Variants in MTSS1 observed in about 807,000 individuals in gnomAD.
MTSS1 encodes MTSS I-BAR domain containing 1, also known as protein MTSS 1.
In MTSS1, 18 loss-of-function variants were observed where a neutral mutation model predicts 79.0. The observed-to-expected ratio is 0.23, with a 90% CI of 0.16 to 0.34. The LOEUF (loss-of-function observed/expected upper bound fraction) is 0.34, where lower values mean the gene tolerates loss of function less well. MTSS1 is among the 10% of genes least tolerant of loss of function. MTSS1 has a pLI of 1.00. For missense variants in MTSS1, 815 were observed against 986.2 expected (o/e 0.83, Z 2.33); for synonymous variants, 341 against 368.6 (o/e 0.93, Z 0.86).
chr8:124,642,302 A>G (rs1319729030), intron 3 of MTSS1, among the ~76,000 whole-genome samples: 1 of 152,220 alleles, frequency 6.6e-6, no homozygotes, highest in Non-Finnish European at 1.5e-5. Context: ...TTCTGTTTAC[A>G]AAAGCTCCAC....
intron 3 of MTSS1, among the ~76,000 whole-genome samples, chr8:124,622,558 G>T (rs986759343): frequency 6.6e-6 from 1 of 151,596 alleles, no homozygotes; most frequent in East Asian, 1.9e-4. Flanking sequence ...ACTCTTGGAG[G>T]CCAAGGCAGG....
intron 3 of MTSS1, among the ~76,000 whole-genome samples, chr8:124,632,097 C>G (rs1266244669): frequency 1.4e-5 from 2 of 146,954 alleles, no homozygotes; most frequent in Non-Finnish European, 3.0e-5. Context: ...GGCAACATAG[C>G]GAGACTCCAT....
chr8:124,681,977 A>G (rs1826197294), intron 3 of MTSS1, among the ~76,000 whole-genome samples: 1 of 152,120 alleles, frequency 6.6e-6, no homozygotes, highest in African/African-American at 2.4e-5. Context: ...CTTCTCAAAG[A>G]CTCCACACAC....
intron 3 of MTSS1, among the ~76,000 whole-genome samples, chr8:124,614,847 T>C (rs1009568667): frequency 2.6e-5 from 4 of 152,162 alleles, no homozygotes; most frequent in African/African-American, 9.7e-5. Context: ...AAATCATCCA[T>C]ACCTACCATG....
intron 3 of MTSS1, among the ~76,000 whole-genome samples, chr8:124,634,079 T>C (rs1816528483): frequency 1.3e-5 from 2 of 151,852 alleles, no homozygotes; most frequent in South Asian, 2.1e-4. Context: ...GGATAAAATA[T>C]AGACCAGTCC....
intron 3 of MTSS1, among the ~76,000 whole-genome samples, chr8:124,649,294 A>G (rs2134139016): frequency 6.6e-6 from 1 of 152,340 alleles, no homozygotes; most frequent in African/African-American, 2.4e-5. Flanking sequence ...GGCCTTTCAC[A>G]GTAAAAGTTT....
Position 124,552,916 on chromosome 8 carries a change from A to G in MTSS1, c.*76T>C, listed in dbSNP as rs1822756339. 16 of 1,425,772 alleles carry G rather than the reference A, an allele frequency of 1.1e-5. No individual in the cohort carries two copies. The highest frequency in any genetic ancestry group is 1.4e-5 in the Non-Finnish European group (15 of 1,044,080). 88.3% of individuals were successfully genotyped at this position (1,425,772 alleles called of 1,614,324 possible). A position where few individuals can be genotyped will look rare whatever the true frequency, so the allele number is the denominator to read the frequency against. On this transcript the variant is annotated 3_prime_UTR_variant, in exon 14 of 14. Transcript: ENST00000518547. ...CCTACAAAATCTTTTGTTTTATTAT[A>G]GAGTGGAATGGATCAAGACAAATTA...
chr8:124,608,532 C>A (rs1419358026), intron 3 of MTSS1, among the ~76,000 whole-genome samples: 1 of 152,194 alleles, frequency 6.6e-6, no homozygotes, highest in East Asian at 1.9e-4. Flanking sequence ...TTCAGGTTGC[C>A]GACATCTTTT....
chr8:124,721,903 G>A (rs1832999063), intron 1 of MTSS1, among the ~76,000 whole-genome samples: 1 of 152,120 alleles, frequency 6.6e-6, no homozygotes, highest in Non-Finnish European at 1.5e-5. Context: ...AGCCAAATGA[G>A]GTACACCTGC....
chr8:124,561,659 C>A (rs3763544), intron 10 of MTSS1, among the ~76,000 whole-genome samples: 71,352 of 151,858 alleles, frequency 0.47, 17,662 homozygotes, highest in Non-Finnish European at 0.56. Context: ...GTCAATTAAA[C>A]ACACACACAC....
At chr8:124,704,486 A>C (rs538430432) in intron 1 of MTSS1, among the ~76,000 whole-genome samples, 11 of 152,244 alleles carry the variant, frequency 7.2e-5, no homozygotes, top group Non-Finnish European at 1.0e-4. Context: ...TAAGGTGTAC[A>C]GAACATTTAA....
chr8:124,688,901 T>C (rs1384124670), intron 3 of MTSS1, among the ~76,000 whole-genome samples: 1 of 150,256 alleles, frequency 6.7e-6, no homozygotes, highest in Non-Finnish European at 1.5e-5. Context: ...CCAGTAAAAA[T>C]GAAAATGTTG....
chr8:124,611,932 T>G lies in MTSS1; in HGVS notation c.209-20697A>C, dbSNP rs987267796. Among the ~76,000 whole-genome samples the G allele has an allele frequency of 3.9e-5, 6 of 152,182 alleles. 1 individual carries two copies. The highest frequency in any genetic ancestry group is 1.3e-4 in the Admixed American group (2 of 15,282). ...ACAGGGACCTCCCCAGAACCAAAGC[T>G]TACCCCAGGGACAGCTCTGCTGCCT... On this transcript the variant is annotated intron_variant, in intron 3 of 13. Coordinates refer to ENST00000518547, the MANE Select transcript of MTSS1 (RefSeq NM_014751.6).
intron 3 of MTSS1, among the ~76,000 whole-genome samples, chr8:124,609,488 C>T (rs1159108628): frequency 2.6e-5 from 4 of 152,184 alleles, no homozygotes; most frequent in Admixed American, 2.6e-4. Context: ...TTCAGAGTGA[C>T]TTGGTATAAA....
rs138106644 is a variant in MTSS1 at position 124,675,193 on chromosome 8, T to A, written c.208+24333A>T. The stretch of plus-strand genomic sequence containing the variant: ...TTGAGGAACACTGATCTTTCACTAG[T>A]CTACCCAATGTGTCAGCCTCCCCTG... On this transcript the variant is annotated intron_variant, in intron 3 of 13. Transcript: ENST00000518547. 2.4e-4 allele frequency among the ~76,000 whole-genome samples: 37 copies of A among 152,322 alleles called. No homozygotes were observed. In the East Asian group the frequency reaches 6.6e-3, roughly 27 times the overall value.
chr8:124,592,514 G>A (rs1270301316), intron 3 of MTSS1, among the ~76,000 whole-genome samples: 9 of 152,082 alleles, frequency 5.9e-5, no homozygotes, highest in Non-Finnish European at 1.0e-4. Flanking sequence ...ATTAGTACTC[G>A]TGACATTACT....
intron 1 of MTSS1, among the ~76,000 whole-genome samples, chr8:124,709,918 C>T (rs1198574826): frequency 6.6e-6 from 1 of 152,220 alleles, no homozygotes; most frequent in Admixed American, 6.5e-5. Context: ...TCCCACCTAC[C>T]CTCTGGTTTA....
intron 9 of MTSS1, chr8:124,563,392 G>A (rs779080354): frequency 3.6e-5 from 8 of 219,846 alleles, no homozygotes; most frequent in Non-Finnish European, 7.4e-5. Context: ...TCTGCCTGCA[G>A]GAACCATGAG....
intron 6 of MTSS1, among the ~76,000 whole-genome samples, chr8:124,579,399 G>A (rs1829601241): frequency 6.6e-6 from 1 of 152,206 alleles, no homozygotes; most frequent in Non-Finnish European, 1.5e-5. Flanking sequence ...GGCATGAGGT[G>A]TCTTTCGGGG....
Sources: gnomAD v4.1 joint callset for allele counts (sites outside exome capture counted in the v4.1 genomes callset) on GRCh38, gnomAD v4.1.1 for gene constraint, MANE v1.5 for transcripts, NCBI Gene and HGNC (gene_info 2026-07-23, HGNC 2026-07-21) for gene names.